The following PCDH15 variants were observed in gnomAD, a reference collection of about 807,000 sequenced individuals.
PCDH15 encodes the protein protocadherin-15.
Under a neutral mutation model 178.5 loss-of-function variants are expected in PCDH15, and 129 were observed. The ratio of observed to expected loss-of-function variants is 0.72; its 90% CI spans 0.63 to 0.84. The LOEUF (loss-of-function observed/expected upper bound fraction) is 0.84, where lower values mean the gene tolerates loss of function less well. Among genes scored for constraint, PCDH15 ranks in the 40% least tolerant of loss-of-function variants. The probability of loss-of-function intolerance (pLI) is 0.00; values close to 1 mark genes in which losing one functional copy is unlikely to be tolerated. For missense variants in PCDH15, 2,230 were observed against 2,099.9 expected, an observed-to-expected ratio of 1.06 and a Z score of -1.21; for synonymous variants, 800 against 732.0, an observed-to-expected ratio of 1.09 and a Z score of -1.50.
chr10:53,959,859 A>C lies in PCDH15; in HGVS notation c.3010-15T>G, dbSNP rs777943892. On this transcript the variant is annotated splice_polypyrimidine_tract_variant and intron_variant, in intron 22 of 37. Transcript: ENST00000644397. Reference sequence around the variant, plus strand: ...ACCACCACCAACTTAAAAAGCAATAAAAATTCATGTTAAAGATTATAAGTA... The same window carrying C: ...ACCACCACCAACTTAAAAAGCAATACAAATTCATGTTAAAGATTATAAGTA... 7.5e-6 allele frequency: 12 copies of C among 1,589,694 alleles called. No homozygotes were observed. Among genetic ancestry groups the C allele is most frequent in the Non-Finnish European group, 9.5e-6 (11 of 1,157,958 alleles).
chr10:53,836,368 T>G (rs1447269313), intron 29 of PCDH15, among the ~76,000 whole-genome samples: 1 of 152,100 alleles, frequency 6.6e-6, no homozygotes, highest in East Asian at 1.9e-4. Context: ...CTCTTCCTTA[T>G]AAGAGTGGAA....
chr10:53,969,863 T>G (rs1354217075), intron 21 of PCDH15, among the ~76,000 whole-genome samples: 3 of 152,100 alleles, frequency 2.0e-5, no homozygotes, highest in Non-Finnish European at 4.4e-5. Flanking sequence ...AAGGAAGCAC[T>G]AAACATGGAA....
At chr10:55,151,878 A>T (rs2589429) in intron 2 of PCDH15, among the ~76,000 whole-genome samples, 108 of 151,936 alleles carry the variant, frequency 7.1e-4, no homozygotes, top group South Asian at 1.2e-3. Flanking sequence ...GAAGAATACC[A>T]GGTGATAAGG....
In PCDH15 at chr10:54,731,906, T is replaced by A. The variant is rs184017606; in HGVS notation, c.-28-67616A>T. 1.2e-3 allele frequency among the ~76,000 whole-genome samples: 183 copies of A among 151,026 alleles called. 4 individuals are homozygous for A. Among genetic ancestry groups the A allele is most frequent in the Admixed American group, 0.01 (155 of 15,052 alleles). On this transcript the variant is annotated intron_variant, in intron 1 of 37. Transcript: ENST00000644397. ...TGATAGATCAATAGGGTGATTATAG[T>A]TTGCAATGATTGATAGTATATTTCA... is the stretch of plus-strand genomic sequence containing the variant.
intron 2 of PCDH15, among the ~76,000 whole-genome samples, chr10:55,434,898 C>T: frequency 6.6e-6 from 1 of 152,140 alleles, no homozygotes; most frequent in East Asian, 1.9e-4. Flanking sequence ...CCACCACACC[C>T]AGCCTGATGT....
rs111639411 is a variant in PCDH15, at chr10:54,511,131, T to C, written c.157+16681A>G. On this transcript the variant is annotated intron_variant, in intron 3 of 37. Transcript: ENST00000644397. ...TGATGTCAATTTGAGAGGTAAACTT[T>C]AGTGAAACCATATTTTTAAGAATAA... Among the ~76,000 whole-genome samples the C allele has an allele frequency of 1.4e-3, 206 of 152,304 alleles. 1 individual carries two copies. Among genetic ancestry groups the C allele is most frequent in the African/African-American group, 4.8e-3 (198 of 41,562 alleles).
At chr10:54,160,651 A>G (rs2045614629) in intron 13 of PCDH15, among the ~76,000 whole-genome samples, 2 of 152,224 alleles carry the variant, frequency 1.3e-5, no homozygotes, top group African/African-American at 2.4e-5. Flanking sequence ...TTTGCAGATC[A>G]TATATCTGAT....
intron 2 of PCDH15, among the ~76,000 whole-genome samples, chr10:55,114,326 C>T (rs1050582081): frequency 2.0e-5 from 3 of 152,216 alleles, no homozygotes; most frequent in African/African-American, 7.2e-5. Context: ...ACGTTCTTTT[C>T]ACAGTATCTT....
At chr10:54,727,045 A>T (rs369471318) in intron 1 of PCDH15, among the ~76,000 whole-genome samples, 18,415 of 151,324 alleles carry the variant, frequency 0.12, 1,253 homozygotes, top group African/African-American at 0.17. Flanking sequence ...GGTTGACATG[A>T]AAACTCAGGA....
chr10:54,334,910 T>C (rs1304730270), intron 6 of PCDH15, among the ~76,000 whole-genome samples: 1 of 152,206 alleles, frequency 6.6e-6, no homozygotes, highest in Non-Finnish European at 1.5e-5. Flanking sequence ...CTCTCTCTTC[T>C]CTCTTTGGGT....
chr10:55,583,218 G>A (rs1842657622), intron 2 of PCDH15, among the ~76,000 whole-genome samples: 1 of 152,064 alleles, frequency 6.6e-6, no homozygotes, highest in Admixed American at 6.6e-5. Flanking sequence ...TGAGTACAAT[G>A]GGCATTAAAA....
chr10:54,869,488 C>A (rs1953997113), intron 3 of PCDH15, among the ~76,000 whole-genome samples: 1 of 152,100 alleles, frequency 6.6e-6, no homozygotes, highest in Admixed American at 6.6e-5. Context: ...AAAGAGTACA[C>A]AGTGTATGTA....
intron 1 of PCDH15, among the ~76,000 whole-genome samples, chr10:55,170,562 G>T (rs1839306033): frequency 6.6e-6 from 1 of 152,116 alleles, no homozygotes; most frequent in Admixed American, 6.6e-5. Flanking sequence ...CCTAGTAGCA[G>T]GTATATGTAC....
At chr10:55,391,748 A>C (rs1837798555) in intron 2 of PCDH15, among the ~76,000 whole-genome samples, 1 of 152,122 alleles carries the variant, frequency 6.6e-6, no homozygotes, top group Non-Finnish European at 1.5e-5. Context: ...AGCCTCCCAA[A>C]GTGCTGGGAT....
chr10:55,008,926 G>A (rs1283024043), intron 2 of PCDH15, among the ~76,000 whole-genome samples: 1 of 151,826 alleles, frequency 6.6e-6, no homozygotes, highest in African/African-American at 2.4e-5. Flanking sequence ...AACCTCTCAT[G>A]ATTCATATTA....
chr10:55,446,431 A>G (rs994139144), intron 2 of PCDH15, among the ~76,000 whole-genome samples: 6 of 152,032 alleles, frequency 3.9e-5, no homozygotes, highest in African/African-American at 1.2e-4. Context: ...TTTTAAAATG[A>G]TAGAAGAAAA....
intron 1 of PCDH15, among the ~76,000 whole-genome samples, chr10:55,273,004 C>G (rs1307836128): frequency 6.6e-6 from 1 of 151,888 alleles, no homozygotes; most frequent in South Asian, 2.1e-4. Flanking sequence ...CTGTGAAAAA[C>G]GAAGGCAGAA....
At chr10:54,453,086 G>A (rs1046350506) in intron 3 of PCDH15, among the ~76,000 whole-genome samples, 11 of 151,638 alleles carry the variant, frequency 7.3e-5, no homozygotes, top group Non-Finnish European at 1.5e-5. Context: ...GGGTTGTGGA[G>A]GTCAGTGTGG....
intron 3 of PCDH15, among the ~76,000 whole-genome samples, chr10:54,819,687 C>A (rs547865834): frequency 6.6e-6 from 1 of 152,022 alleles, no homozygotes; most frequent in South Asian, 2.1e-4. Flanking sequence ...ACTATCTCAG[C>A]CTATACATTA....
Sources: gnomAD v4.1 joint callset for allele counts (sites outside exome capture counted in the v4.1 genomes callset) on GRCh38, gnomAD v4.1.1 for gene constraint, MANE v1.5 for transcripts, NCBI Gene and HGNC (gene_info 2026-07-23, HGNC 2026-07-21) for gene names.